The following TRAPPC6A variants were observed in gnomAD, a reference collection of about 807,000 sequenced individuals.
TRAPPC6A encodes the protein trafficking protein particle complex subunit 6A.
A neutral mutation model predicts 20.8 loss-of-function variants in TRAPPC6A; 25 were observed. The ratio of observed to expected loss-of-function variants is 1.20; its 90% CI spans 0.88 to 1.68. The LOEUF is 1.68. Among genes scored for constraint, TRAPPC6A ranks in the 40% most tolerant of loss-of-function variants. The pLI, the probability that TRAPPC6A is intolerant of heterozygous loss-of-function variation, is 0.00. For synonymous variants in TRAPPC6A, 96 were observed against 93.3 expected (o/e 1.03, Z -0.16); for missense variants, 215 against 211.6 (o/e 1.02, Z -0.10).
rs1157038266 is a variant in TRAPPC6A at position 45,164,375 on chromosome 19, A to AGTT, written c.271-129_271-128insAAC. ...AGGCCCCCTTCCTGAGAACCACTGGAGTCACAGCCTTGGCCTCCAGTGCTC... is the reference window on the plus strand; with the variant it reads ...AGGCCCCCTTCCTGAGAACCACTGGAGTTGTCACAGCCTTGGCCTCCAGTGCTC... On this transcript the variant is annotated intron_variant, in intron 3 of 5. Transcript: ENST00000585934. The AGTT allele has an allele frequency of 2.1e-5, 14 of 660,556 alleles. No individual in the cohort carries two copies. In the East Asian group the frequency reaches 3.9e-4, roughly 18 times the overall value. The allele number at this position is 660,556 out of a possible 1,614,324, so 40.9% of individuals were successfully genotyped here. A position where few individuals can be genotyped will look rare whatever the true frequency, so the allele number is the denominator to read the frequency against.
rs1310424907 is a variant in TRAPPC6A at position 45,172,462 on chromosome 19, C to T, written c.84+5673G>A. 2.0e-5 allele frequency among the ~76,000 whole-genome samples: 3 copies of T among 151,796 alleles called. No homozygotes were observed. Among genetic ancestry groups the T allele is most frequent in the East Asian group, 3.9e-4 (2 of 5,186 alleles). ...CTGGGCAGAGGCTGACCCTGTTCAA[C>T]GCCCACCTGCTGAGCCACTCTGTGC... On this transcript the variant is annotated intron_variant, in intron 1 of 5. Coordinates refer to ENST00000585934, the MANE Select transcript of TRAPPC6A (RefSeq NM_001270891.2). This position sits in a 1 kb window ranked among gnomAD's most constrained non-coding sequence, Gnocchi z 4.2.
At chr19:45,164,780 G>A (rs531886546) in intron 3 of TRAPPC6A, 73 bp downstream of exon 3, 17 of 1,424,612 alleles carry the variant, frequency 1.2e-5, no homozygotes, top group Non-Finnish European at 1.4e-5. Context: ...CTCTGGCGCC[G>A]GGGGATTCCC....
chr19:45,178,219 G>A lies in TRAPPC6A; in HGVS notation c.-1C>T, dbSNP rs1969442813. 6.3e-7 allele frequency: 1 copy of A among 1,593,438 alleles called. No homozygotes were observed. The highest frequency in any genetic ancestry group is 8.6e-7 in the Non-Finnish European group (1 of 1,166,298). ...ACTCAAACAACACAGTATCCGCCAT[G>A]CCCCCTCCTCGCACGCCTAAAGATG... On this transcript the variant is annotated 5_prime_UTR_variant, in exon 1 of 6. Transcript: ENST00000585934.
chr19:45,176,772 G>A (rs935932149), intron 1 of TRAPPC6A, among the ~76,000 whole-genome samples: 3 of 151,798 alleles, frequency 2.0e-5, no homozygotes, highest in Non-Finnish European at 4.4e-5. Context: ...GGTGGCTCAC[G>A]CCTGTAATCC....
At position 45,173,113 on chromosome 19, in the gene TRAPPC6A, C is replaced by A. The variant is rs1371821047; in HGVS notation, c.84+5022G>T. On this transcript the variant is annotated intron_variant, in intron 1 of 5. Coordinates refer to ENST00000585934, the MANE Select transcript of TRAPPC6A (RefSeq NM_001270891.2). This position sits in a 1 kb window ranked among gnomAD's most constrained non-coding sequence, Gnocchi z 4.8. Reference sequence around the variant, plus strand: ...GGGCCTGGTCTCAGACAATGGGTGACAGCGCCTTAGCTCTTTACTACATGC... The same window carrying A: ...GGGCCTGGTCTCAGACAATGGGTGAAAGCGCCTTAGCTCTTTACTACATGC... 6.6e-6 allele frequency among the ~76,000 whole-genome samples: 1 copy of A among 151,674 alleles called. No individual in the cohort carries two copies. Among genetic ancestry groups the A allele is most frequent in the East Asian group, 1.9e-4 (1 of 5,186 alleles).
chr19:45,165,183 C>A lies in TRAPPC6A; in HGVS notation c.96G>T (p.Met32Ile). Residue 32 changes from methionine (M) to isoleucine (I), a missense_variant, in exon 2 of 6, where the codon ATG becomes ATT. Physicochemically the swap from Met to Ile is conservative, Grantham distance 10 (BLOSUM62 1). Transcript: ENST00000585934. ...CCATACCCTCCAGGACCGACAGGCT[C>A]ATCTTCTGTCCCTAGAAGGCCAGGG... ...DPDPGPGGQKMSLSVLEGMGF... is the reference protein window; with the variant it reads ...DPDPGPGGQKISLSVLEGMGF... The A allele has an allele frequency of 6.2e-7, 1 of 1,604,846 alleles. No individual in the cohort carries two copies.
intron 1 of TRAPPC6A, among the ~76,000 whole-genome samples, chr19:45,174,384 ACCT>A (rs1266965700): frequency 1.3e-5 from 2 of 151,730 alleles, no homozygotes; most frequent in African/African-American, 4.8e-5. Context: ...CTCTGCATTC[ACCT>A]CCTCAACACG....
chr19:45,163,298 C>G lies in TRAPPC6A; in HGVS notation c.449-75G>C. 1 of 1,533,414 alleles carries G rather than the reference C, an allele frequency of 6.5e-7. No homozygotes were observed. Among genetic ancestry groups the G allele is most frequent in the Non-Finnish European group, 9.0e-7 (1 of 1,113,080 alleles). The allele number at this position is 1,533,414 out of a possible 1,614,324, so 95.0% of individuals were successfully genotyped here. The stretch of plus-strand genomic sequence containing the variant: ...AGGGCACCTGGACGGCTCTTAGGCG[C>G]TCACCCCCGTCCTGCACTGACACCC... On this transcript the variant is annotated intron_variant, in intron 5 of 5. Transcript: ENST00000585934. The surrounding 1 kb of genome is among the most constrained non-coding windows in gnomAD (Gnocchi z 5.3).
intron 1 of TRAPPC6A, among the ~76,000 whole-genome samples, chr19:45,166,868 C>A (rs1004856305): frequency 3.9e-5 from 6 of 152,172 alleles, no homozygotes; most frequent in African/African-American, 1.2e-4. Flanking sequence ...GATGCGAATT[C>A]TCTGCTTGGC....
intron 1 of TRAPPC6A, 61 bp from the exon 2 acceptor site, chr19:45,165,255 AG>A (rs965131509): frequency 1.1e-5 from 16 of 1,514,088 alleles, no homozygotes; most frequent in East Asian, 2.5e-5. Flanking sequence ...GGGGCCACCC[AG>A]GGGGGGACCT....
In TRAPPC6A at chr19:45,163,165, G is replaced by C. The variant is rs1599728671; in HGVS notation, c.*27C>G. On this transcript the variant is annotated 3_prime_UTR_variant, in exon 6 of 6. Coordinates refer to ENST00000585934, the MANE Select transcript of TRAPPC6A (RefSeq NM_001270891.2). The surrounding 1 kb of genome is among the most constrained non-coding windows in gnomAD (Gnocchi z 5.3). ...GAGGCCGGTGAGGCCAGGGGCAGCAGTGCGGCTCAGCAGGTGCGAGGCAGG... is the reference window on the plus strand; with the variant it reads ...GAGGCCGGTGAGGCCAGGGGCAGCACTGCGGCTCAGCAGGTGCGAGGCAGG... 2 of 1,613,646 alleles carry C rather than the reference G, an allele frequency of 1.2e-6. No individual in the cohort carries two copies. Among genetic ancestry groups the C allele is most frequent in the African/African-American group, 1.3e-5 (1 of 74,924 alleles).
Position 45,174,184 on chromosome 19 carries a change from G to A in TRAPPC6A, c.84+3951C>T, listed in dbSNP as rs1969318105. Among the ~76,000 whole-genome samples, 5 of 152,298 alleles carry A rather than the reference G, an allele frequency of 3.3e-5. No homozygotes were observed. The South Asian group carries it at 8.3e-4, about 25-fold the overall frequency. ...AACTCCGTCCATCAAAGCCTCCGCCGCCTCATCTGTAAATCGGGGAGGACC... is the reference window on the plus strand; with the variant it reads ...AACTCCGTCCATCAAAGCCTCCGCCACCTCATCTGTAAATCGGGGAGGACC... On this transcript the variant is annotated intron_variant, in intron 1 of 5. Coordinates refer to ENST00000585934, the MANE Select transcript of TRAPPC6A (RefSeq NM_001270891.2).
rs373240708 is a variant in TRAPPC6A at position 45,164,963 on chromosome 19, G to A, written c.160C>T (p.Arg54Trp). Reference protein sequence around the residue: ...VGQALGERLPRETLAFREELD... With the variant: ...VGQALGERLPWETLAFREELD... Reference sequence around the variant, plus strand: ...TCCTCCCTGAAGGCCAGCGTCTCCCGGGGCAGCCTGGTGGGGCAGTACCAA... The same window carrying A: ...TCCTCCCTGAAGGCCAGCGTCTCCCAGGGCAGCCTGGTGGGGCAGTACCAA... Residue 54 changes from arginine to tryptophan, a missense_variant, in exon 3 of 6, where the codon CGG (arginine) becomes TGG (tryptophan). Physicochemically the swap from Arg to Trp is moderately radical, Grantham distance 101. Transcript: ENST00000585934. 2.5e-5 allele frequency: 40 copies of A among 1,613,952 alleles called. No individual in the cohort carries two copies. Among genetic ancestry groups the A allele is most frequent in the South Asian group, 9.9e-5 (9 of 91,088 alleles).
chr19:45,168,992 G>A (rs528482165), intron 1 of TRAPPC6A, among the ~76,000 whole-genome samples: 5 of 152,314 alleles, frequency 3.3e-5, no homozygotes, highest in African/African-American at 7.2e-5. Context: ...ACAACGACAC[G>A]GCTTCCTGTT....
Position 45,165,171 on chromosome 19 carries a change from G to A in TRAPPC6A, c.108C>T (p.Val36=). Reference sequence around the variant, plus strand: ...CCACACGGAACCCCATACCCTCCAGGACCGACAGGCTCATCTTCTGTCCCT... The same window carrying A: ...CCACACGGAACCCCATACCCTCCAGAACCGACAGGCTCATCTTCTGTCCCT... ...GPGGQKMSLS[V]LEGMGFRVGQ... Residue 36 remains valine (V), a synonymous_variant, in exon 2 of 6, where the codon GTC becomes GTT. Transcript: ENST00000585934. The A allele has an allele frequency of 6.2e-7, 1 of 1,608,150 alleles. No homozygotes were observed. Among genetic ancestry groups the A allele is most frequent in the Non-Finnish European group, 8.5e-7 (1 of 1,177,538 alleles).
intron 1 of TRAPPC6A, among the ~76,000 whole-genome samples, chr19:45,166,332 G>A (rs1325544869): frequency 2.6e-5 from 4 of 151,666 alleles, no homozygotes; most frequent in Non-Finnish European, 4.4e-5. Flanking sequence ...TCAGCCTCCC[G>A]AGTAGCTGGG....
rs149874439 is a variant in TRAPPC6A, at chr19:45,172,096, C to T, written c.84+6039G>A. 8.1e-3 allele frequency among the ~76,000 whole-genome samples: 1,234 copies of T among 151,976 alleles called. 9 individuals carry two copies. Among genetic ancestry groups the T allele is most frequent in the Middle Eastern group, 0.017 (5 of 294 alleles). On this transcript the variant is annotated intron_variant, in intron 1 of 5. Coordinates refer to ENST00000585934, the MANE Select transcript of TRAPPC6A (RefSeq NM_001270891.2). The surrounding 1 kb of genome is among the most constrained non-coding windows in gnomAD (Gnocchi z 4.2). ...TCTGGCCGGTCCTCCAGTTCACAACCTGTGACAGCCCAGGAGAATGGCCAC... is the reference window on the plus strand; with the variant it reads ...TCTGGCCGGTCCTCCAGTTCACAACTTGTGACAGCCCAGGAGAATGGCCAC...
At chr19:45,169,584 C>A (rs1185729921) in intron 1 of TRAPPC6A, among the ~76,000 whole-genome samples, 1 of 152,250 alleles carries the variant, frequency 6.6e-6, no homozygotes, top group Non-Finnish European at 1.5e-5. Flanking sequence ...TCACAGCCTC[C>A]ACATCTGTCA....
chr19:45,174,934 C>G, intron 1 of TRAPPC6A, among the ~76,000 whole-genome samples: 1 of 149,302 alleles, frequency 6.7e-6, no homozygotes, highest in East Asian at 2.0e-4. Context: ...TCCTGCCTAA[C>G]ACATTGAAAC....
Sources: allele counts gnomAD v4.1 joint callset (sites outside exome capture counted in the v4.1 genomes callset), GRCh38; gene constraint gnomAD v4.1.1; non-coding constraint Gnocchi (gnomAD v3.1); transcripts MANE v1.5; gene names NCBI Gene and HGNC (gene_info 2026-07-23, HGNC 2026-07-21).